Variants in ADGRV1 observed in about 807,000 individuals in gnomAD.
ADGRV1 encodes the protein G-protein coupled receptor 98.
ADGRV1 carries 359 observed loss-of-function variants against 596.2 expected under a neutral mutation model. That is an observed-to-expected ratio of 0.60 (90% CI 0.55 to 0.66). The LOEUF is 0.66. Among genes scored for constraint, ADGRV1 ranks in the 30% least tolerant of loss-of-function variants. The pLI, the probability that ADGRV1 is intolerant of heterozygous loss-of-function variation, is 0.00. For synonymous variants in ADGRV1, 2,681 were observed against 2,679.2 expected (o/e 1.00, Z -0.02); for missense variants, 7,274 against 7,575.6 (o/e 0.96, Z 1.48).
rs1479882212 is a variant in ADGRV1 at position 90,647,506 on chromosome 5, G to A, written c.3031G>A (p.Val1011Ile). Residue 1011 changes from valine (V) to isoleucine (I), a missense_variant, in exon 17 of 90, where the codon GTA becomes ATA. This residue lies in a region of ADGRV1 where 1,715 missense variants were observed against 1,708.8 expected (regional missense o/e 1.00). Transcript: ENST00000405460. ...CTTTGTGGATATTTCAGAACCTCGT[G>A]TAGTGAGGGTTCAGGAAGGTGAGAC... ...DDPIYFAEPRVVRVQEGETAN... is the reference protein window; with the variant it reads ...DDPIYFAEPRIVRVQEGETAN... 2 of 1,611,138 alleles carry A rather than the reference G, an allele frequency of 1.2e-6. No individual in the cohort carries two copies. The highest frequency in any genetic ancestry group is 1.3e-5 in the African/African-American group (1 of 74,814).
chr5:91,156,517 T>C (rs1459549386), intron 89 of ADGRV1, among the ~76,000 whole-genome samples: 2 of 152,206 alleles, frequency 1.3e-5, no homozygotes, highest in Admixed American at 1.3e-4. Context: ...TGTCATCAGT[T>C]GTTGAAGTTA....
chr5:90,607,597 T>C (rs1237481991), intron 1 of ADGRV1, among the ~76,000 whole-genome samples: 1 of 152,150 alleles, frequency 6.6e-6, no homozygotes, highest in African/African-American at 2.4e-5. Flanking sequence ...CTGTACCCTT[T>C]AGGTGGGAGA....
intron 11 of ADGRV1, among the ~76,000 whole-genome samples, chr5:90,641,955 G>A (rs1208399125): frequency 6.6e-6 from 1 of 152,054 alleles, no homozygotes; most frequent in Non-Finnish European, 1.5e-5. Flanking sequence ...GTAGGAATTG[G>A]TATAACATGT....
At chr5:90,911,417 C>T (rs1014098738) in intron 83 of ADGRV1, among the ~76,000 whole-genome samples, 2 of 152,070 alleles carry the variant, frequency 1.3e-5, no homozygotes, top group Admixed American at 1.3e-4. Flanking sequence ...GAGGTATATT[C>T]ATGATCATTT....
intron 1 of ADGRV1, among the ~76,000 whole-genome samples, chr5:90,595,193 C>T (rs1202401263): frequency 7.6e-5 from 5 of 66,062 alleles, no homozygotes; most frequent in Middle Eastern, 0.018. Context: ...CCGGACTGGG[C>T]GGCTGGCCGG....
chr5:91,039,553 C>CT (rs1785167844), intron 85 of ADGRV1, among the ~76,000 whole-genome samples: 1 of 152,174 alleles, frequency 6.6e-6, no homozygotes, highest in Non-Finnish European at 1.5e-5. Context: ...CTAATCTGTT[C>CT]TCCACAAGAA....
chr5:90,608,869 A>G (rs1207149212), intron 1 of ADGRV1, among the ~76,000 whole-genome samples: 2 of 152,128 alleles, frequency 1.3e-5, no homozygotes, highest in Non-Finnish European at 2.9e-5. Flanking sequence ...AGGTTTGATA[A>G]TATGTGGTCT....
intron 59 of ADGRV1, among the ~76,000 whole-genome samples, chr5:90,770,749 T>A (rs1757606432): frequency 6.6e-6 from 1 of 152,154 alleles, no homozygotes; most frequent in East Asian, 1.9e-4. Context: ...CAGAAGGATG[T>A]AGAAAAATGA....
chr5:90,990,697 C>T (rs1434808365), intron 85 of ADGRV1, among the ~76,000 whole-genome samples: 1 of 152,204 alleles, frequency 6.6e-6, no homozygotes, highest in Non-Finnish European at 1.5e-5. Flanking sequence ...GCTAGAAATG[C>T]TTCCAACTTC....
chr5:90,757,238 C>A, intron 57 of ADGRV1, 77 bp downstream of exon 57: 1 of 1,172,238 alleles, frequency 8.5e-7, no homozygotes, highest in Non-Finnish European at 1.3e-6. Flanking sequence ...AATGAATGTA[C>A]ATTGGTGATT....
intron 84 of ADGRV1, among the ~76,000 whole-genome samples, chr5:90,977,023 T>C (rs1779674302): frequency 6.6e-6 from 1 of 152,220 alleles, no homozygotes; most frequent in African/African-American, 2.4e-5. Context: ...ATGTGCGTGT[T>C]ATTTATTCCT....
intron 45 of ADGRV1, among the ~76,000 whole-genome samples, chr5:90,724,348 G>A (rs1751482321): frequency 6.6e-6 from 1 of 152,084 alleles, no homozygotes; most frequent in Admixed American, 6.6e-5. Flanking sequence ...TCGTGCCTCA[G>A]CCATCCGAGT....
intron 13 of ADGRV1, 85 bp downstream of exon 13, chr5:90,643,126 G>A: frequency 8.4e-7 from 1 of 1,197,502 alleles, no homozygotes; most frequent in South Asian, 1.7e-5. Context: ...TTGAATATTG[G>A]CAAAGAGACA....
chr5:91,068,714 G>A (rs933327679), intron 85 of ADGRV1, among the ~76,000 whole-genome samples: 21 of 151,714 alleles, frequency 1.4e-4, no homozygotes, highest in Non-Finnish European at 1.5e-4. Context: ...ACTACCCAAA[G>A]CAATCTACAG....
chr5:90,908,419 T>A (rs547273536), intron 83 of ADGRV1, among the ~76,000 whole-genome samples: 2 of 152,212 alleles, frequency 1.3e-5, no homozygotes, highest in Non-Finnish European at 2.9e-5. Context: ...TAATTTTTTA[T>A]GATAGCCTGT....
At chr5:91,084,382 GA>G (rs1328633725) in intron 86 of ADGRV1, among the ~76,000 whole-genome samples, 4 of 151,958 alleles carry the variant, frequency 2.6e-5, no homozygotes, top group East Asian at 1.9e-4. Context: ...AAATTTATAA[GA>G]AAAAAACAAA....
intron 86 of ADGRV1, among the ~76,000 whole-genome samples, chr5:91,085,595 C>T (rs1312393299): frequency 1.3e-5 from 2 of 152,072 alleles, no homozygotes; most frequent in African/African-American, 4.8e-5. Context: ...TGCCATTTTT[C>T]GTTTCATCTT....
intron 83 of ADGRV1, among the ~76,000 whole-genome samples, chr5:90,927,487 G>A (rs1774629291): frequency 6.6e-6 from 1 of 152,140 alleles, no homozygotes; most frequent in Non-Finnish European, 1.5e-5. Context: ...CATTTGCTTA[G>A]TAGATCTTCC....
At chr5:90,614,735 G>A in intron 1 of ADGRV1, 100 bp from the exon 2 acceptor site, 2 of 895,702 alleles carry the variant, frequency 2.2e-6, no homozygotes, top group Non-Finnish European at 3.6e-6. Context: ...GTTGTTTGCT[G>A]TCTAACTCTT....
Sources: gnomAD v4.1 joint callset for allele counts (sites outside exome capture counted in the v4.1 genomes callset) on GRCh38, gnomAD v4.1.1 for gene constraint, gnomAD v4.1.1 regional missense constraint, MANE v1.5 for transcripts, NCBI Gene and HGNC (gene_info 2026-07-23, HGNC 2026-07-21) for gene names.